Variants in RALGPS1 observed in about 807,000 individuals in gnomAD.
The protein encoded by RALGPS1 is ras-specific guanine nucleotide-releasing factor RalGPS1.
RALGPS1 carries 19 observed loss-of-function variants against 78.8 expected under a neutral mutation model. That is an observed-to-expected ratio of 0.24 (90% confidence interval 0.17 to 0.35). The LOEUF is 0.35. Among genes scored for constraint, RALGPS1 ranks in the 10% least tolerant of loss-of-function variants. RALGPS1 has a pLI of 1.00. For missense variants in RALGPS1, 454 were observed against 688.3 expected (o/e 0.66, Z 3.81); for synonymous variants, 228 against 256.3 (o/e 0.89, Z 1.06).
intron 7 of RALGPS1, among the ~76,000 whole-genome samples, chr9:127,060,506 T>C (rs1301518713): frequency 7.4e-6 from 1 of 134,916 alleles, no homozygotes; most frequent in Non-Finnish European, 1.6e-5. Context: ...TGGTAAGTAT[T>C]ACCTGTTGTT....
chr9:126,928,203 T>C (rs546549), intron 1 of RALGPS1, among the ~76,000 whole-genome samples: 89,003 of 151,952 alleles, frequency 0.59, 30,152 homozygotes, highest in East Asian at 0.81. Flanking sequence ...TTATCCTCAA[T>C]CCTAAGACCT....
intron 8 of RALGPS1, among the ~76,000 whole-genome samples, chr9:127,084,030 C>T (rs949496492): frequency 9.2e-5 from 14 of 152,258 alleles, no homozygotes; most frequent in African/African-American, 2.6e-4. Flanking sequence ...CCCACCTCAG[C>T]TTCCCGAGTA....
At chr9:126,916,645 G>C (rs2034194189) in intron 1 of RALGPS1, among the ~76,000 whole-genome samples, 1 of 152,170 alleles carries the variant, frequency 6.6e-6, no homozygotes, top group South Asian at 2.1e-4. Flanking sequence ...AGCCGGGCAT[G>C]GTGGCGGGCA....
At chr9:127,004,671 A>G (rs1008163593) in intron 4 of RALGPS1, among the ~76,000 whole-genome samples, 6 of 152,116 alleles carry the variant, frequency 3.9e-5, no homozygotes, top group African/African-American at 1.4e-4. Context: ...TTTTGTGTTT[A>G]TTTGATCTTA....
rs912147134 is a variant in RALGPS1, at chr9:127,205,177, G to A, written c.1247+6111G>A. Among the ~76,000 whole-genome samples the A allele has an allele frequency of 4.6e-5, 7 of 152,324 alleles. No individual in the cohort carries two copies. In the South Asian group the frequency reaches 1.2e-3, roughly 27 times the overall value. On this transcript the variant is annotated intron_variant, in intron 14 of 18. Transcript: ENST00000259351. This position sits in a 1 kb window ranked among gnomAD's most constrained non-coding sequence, Gnocchi z 4.0. ...TCTGGACAGTTGGCCTATCTCTCCTGCATGAGACTCAGAGACACTGAGCCC... is the reference window on the plus strand; with the variant it reads ...TCTGGACAGTTGGCCTATCTCTCCTACATGAGACTCAGAGACACTGAGCCC...
intron 14 of RALGPS1, among the ~76,000 whole-genome samples, chr9:127,203,112 A>G (rs1047545066): frequency 2.6e-5 from 4 of 152,232 alleles, no homozygotes; most frequent in South Asian, 2.1e-4. Context: ...ATATCAGCCT[A>G]CGAGTTAAAG....
chr9:126,960,219 C>CCCTT (rs774671672), intron 1 of RALGPS1, among the ~76,000 whole-genome samples: 32,913 of 85,366 alleles, frequency 0.39, 7,520 homozygotes, highest in Non-Finnish European at 0.46. Context: ...CTCCCTCCCT[C>CCCTT]CCTTCCTTCC....
At chr9:127,145,164 A>T (rs1338686560) in intron 8 of RALGPS1, among the ~76,000 whole-genome samples, 1 of 152,138 alleles carries the variant, frequency 6.6e-6, no homozygotes, top group Non-Finnish European at 1.5e-5. Context: ...ACTTTGCTGG[A>T]GGGAGGACCA....
At chr9:127,047,390 C>T (rs1352275494) in intron 5 of RALGPS1, among the ~76,000 whole-genome samples, 2 of 152,060 alleles carry the variant, frequency 1.3e-5, no homozygotes, top group Non-Finnish European at 2.9e-5. Flanking sequence ...AAGAGACAAA[C>T]ATGTTCTATA....
intron 3 of RALGPS1, among the ~76,000 whole-genome samples, chr9:126,975,942 G>A (rs2040576189): frequency 6.6e-6 from 1 of 152,116 alleles, no homozygotes; most frequent in Non-Finnish European, 1.5e-5. Flanking sequence ...CACTAGCTCC[G>A]CTCCTGGGAG....
At chr9:126,924,810 C>T (rs2035110391) in intron 1 of RALGPS1, among the ~76,000 whole-genome samples, 1 of 152,234 alleles carries the variant, frequency 6.6e-6, no homozygotes. Context: ...CAGTGCTATG[C>T]CAAGTGTGAG....
chr9:126,916,518 C>G (rs2034177466), intron 1 of RALGPS1, among the ~76,000 whole-genome samples: 1 of 152,164 alleles, frequency 6.6e-6, no homozygotes, highest in Non-Finnish European at 1.5e-5. Flanking sequence ...CGGTGGCTCA[C>G]GCTTGTAATC....
intron 8 of RALGPS1, among the ~76,000 whole-genome samples, chr9:127,105,821 T>C (rs2054162805): frequency 6.6e-6 from 1 of 152,194 alleles, no homozygotes; most frequent in African/African-American, 2.4e-5. Context: ...TTTCTGGAGG[T>C]CAGGGACCAC....
intron 4 of RALGPS1, among the ~76,000 whole-genome samples, chr9:127,023,030 T>C (rs1473299809): frequency 6.6e-6 from 1 of 152,222 alleles, no homozygotes; most frequent in Non-Finnish European, 1.5e-5. Flanking sequence ...TGCCAATCAC[T>C]GTTGTCTCTT....
chr9:127,035,687 G>A (rs1472237007), intron 5 of RALGPS1, among the ~76,000 whole-genome samples: 2 of 152,052 alleles, frequency 1.3e-5, no homozygotes, highest in Non-Finnish European at 2.9e-5. Context: ...AAGTCCAGCG[G>A]GATCCTCAGA....
intron 4 of RALGPS1, among the ~76,000 whole-genome samples, chr9:127,022,927 G>A (rs961402817): frequency 6.6e-6 from 1 of 152,204 alleles, no homozygotes; most frequent in African/African-American, 2.4e-5. Flanking sequence ...TAAGCACCAT[G>A]AAAGTAAGAG....
chr9:127,173,961 C>T (rs781748106), intron 10 of RALGPS1, among the ~76,000 whole-genome samples: 21 of 152,176 alleles, frequency 1.4e-4, no homozygotes, highest in Admixed American at 5.9e-4. Context: ...TGCAGTGAGG[C>T]GAGATCTTGC....
chr9:127,148,885 G>C (rs1221029794), intron 8 of RALGPS1, among the ~76,000 whole-genome samples: 5 of 152,248 alleles, frequency 3.3e-5, no homozygotes, highest in South Asian at 2.1e-4. Context: ...GAACACGTTG[G>C]AGAGGAGTGG....
intron 4 of RALGPS1, among the ~76,000 whole-genome samples, chr9:127,007,506 A>G (rs1434093340): frequency 1.3e-5 from 2 of 152,216 alleles, no homozygotes; most frequent in African/African-American, 2.4e-5. Context: ...AGAAGTACAT[A>G]GAAGGAGCAT....
Sources: gnomAD v4.1 joint callset for allele counts (sites outside exome capture counted in the v4.1 genomes callset) on GRCh38, gnomAD v4.1.1 for gene constraint, Gnocchi (gnomAD v3.1) non-coding constraint, MANE v1.5 for transcripts, NCBI Gene and HGNC (gene_info 2026-07-23, HGNC 2026-07-21) for gene names.